PRDM11: variants seen among roughly 807,000 people sequenced by gnomAD.
PRDM11 encodes PR/SET domain 11.
Under a neutral mutation model 97.8 loss-of-function variants are expected in PRDM11, and 20 were observed. That is an observed-to-expected ratio of 0.20 (90% CI 0.14 to 0.30). The LOEUF (loss-of-function observed/expected upper bound fraction) is 0.30. Ranked by LOEUF, PRDM11 falls within the 10% of genes least tolerant of loss-of-function variation. The probability of loss-of-function intolerance (pLI) is 1.00; values close to 1 mark genes in which losing one functional copy is unlikely to be tolerated. For missense variants in PRDM11, 1,139 were observed against 1,555.2 expected (o/e 0.73, Z 4.50); for synonymous variants, 599 against 637.7 (o/e 0.94, Z 0.91).
chr11:45,139,253 A>G (rs1180892622), intron 1 of PRDM11, among the ~76,000 whole-genome samples: 2 of 152,194 alleles, frequency 1.3e-5, no homozygotes, highest in Non-Finnish European at 2.9e-5. Context: ...TTGCAGGACA[A>G]CTGGGCAAAA....
At chr11:45,138,793 T>A (rs1429550076) in intron 1 of PRDM11, among the ~76,000 whole-genome samples, 1 of 151,990 alleles carries the variant, frequency 6.6e-6, no homozygotes, top group African/African-American at 2.4e-5. Flanking sequence ...TTTTACAATA[T>A]ACTGAAGAAG....
chr11:45,212,790 TG>T (rs1303926485), intron 5 of PRDM11: 1 of 456,180 alleles, frequency 2.2e-6, no homozygotes, highest in Non-Finnish European at 4.4e-6. Flanking sequence ...CACCGGGACA[TG>T]GCCAACAGCA....
chr11:45,190,719 A>G (rs1036662520), intron 4 of PRDM11, among the ~76,000 whole-genome samples: 5 of 152,222 alleles, frequency 3.3e-5, no homozygotes, highest in Non-Finnish European at 7.3e-5. Flanking sequence ...CTATGTTTCA[A>G]TAAAACTTTA....
intron 1 of PRDM11, among the ~76,000 whole-genome samples, chr11:45,123,287 G>A (rs1311298676): frequency 1.3e-5 from 2 of 152,158 alleles, no homozygotes; most frequent in Non-Finnish European, 2.9e-5. Context: ...CTCCCATTTT[G>A]TAGGTTGCCT....
chr11:45,227,917 G>C lies in PRDM11; in HGVS notation c.3292G>C (p.Val1098Leu). ...GAAAGGCCGCAATGCCCTCCAGCGA[G>C]TTCGCAAAAACCACCGCTCCCGCCT... ...CEKGRNALQR[V>L]RKNHRSRLTL... The change falls in exon 8 of 8, where the codon GTT becomes CTT. Residue 1098 changes from valine to leucine, a missense_variant. Coordinates refer to ENST00000683152, the MANE Select transcript of PRDM11 (RefSeq NM_001384648.1). This position sits in a 1 kb window ranked among gnomAD's most constrained non-coding sequence, Gnocchi z 8.0. 6.5e-7 allele frequency: 1 copy of C among 1,533,926 alleles called. No homozygotes were observed. Among genetic ancestry groups the C allele is most frequent in the Non-Finnish European group, 8.7e-7 (1 of 1,146,736 alleles).
rs750322891 is a variant in PRDM11 at position 45,224,183 on chromosome 11, C to T, written c.743-34C>T. The T allele has an allele frequency of 2.0e-6, 3 of 1,530,766 alleles. No individual in the cohort carries two copies. The South Asian group carries it at 4.0e-5, about 20-fold the overall frequency. 94.8% of individuals were successfully genotyped at this position (1,530,766 alleles called of 1,614,324 possible). On this transcript the variant is annotated intron_variant, in intron 6 of 7. Transcript: ENST00000683152. ...TTGGTTTCTCCAATTTGGGGGTTTT[C>T]CCCATTTCCTTACACCCTGGTTTTC... is the stretch of plus-strand genomic sequence containing the variant.
At chr11:45,138,287 C>T (rs995696094) in intron 1 of PRDM11, among the ~76,000 whole-genome samples, 3 of 152,148 alleles carry the variant, frequency 2.0e-5, no homozygotes, top group Admixed American at 1.3e-4. Flanking sequence ...TGGAAGGAGG[C>T]TGGGTGTGGT....
At chr11:45,180,377 C>T (rs1291761334) in intron 1 of PRDM11, among the ~76,000 whole-genome samples, 1 of 152,150 alleles carries the variant, frequency 6.6e-6, no homozygotes, top group East Asian at 1.9e-4. Flanking sequence ...GCCCTGTCGT[C>T]GCCGCCACAC....
chr11:45,131,992 G>A (rs772241845), intron 1 of PRDM11, among the ~76,000 whole-genome samples: 35 of 152,136 alleles, frequency 2.3e-4, no homozygotes, highest in Non-Finnish European at 4.9e-4. Context: ...ACCTTATAGA[G>A]CCAAGCTGAG....
At chr11:45,144,424 T>C (rs1179178415), upstream of PRDM11, among the ~76,000 whole-genome samples, 2 of 152,194 alleles carry the variant, frequency 1.3e-5, no homozygotes, top group Admixed American at 1.3e-4. Context: ...GCTGAGGACC[T>C]ACGGCTTCCT....
chr11:45,188,985 T>G lies in PRDM11; in HGVS notation c.486+5862T>G, dbSNP rs1852811463. Among the ~76,000 whole-genome samples, 4 of 152,250 alleles carry G rather than the reference T, an allele frequency of 2.6e-5. No individual in the cohort carries two copies. The South Asian group carries it at 8.3e-4, about 32-fold the overall frequency. On this transcript the variant is annotated intron_variant, in intron 4 of 7. Coordinates refer to ENST00000683152, the MANE Select transcript of PRDM11 (RefSeq NM_001384648.1). The stretch of plus-strand genomic sequence containing the variant: ...GGTACGATCTCAGCTCACCGCAACC[T>G]CTGCCTCCTGGGTTCAAGCAATTCT...
At chr11:45,100,662 A>G (rs1851957428) in intron 1 of PRDM11, among the ~76,000 whole-genome samples, 1 of 152,240 alleles carries the variant, frequency 6.6e-6, no homozygotes, top group South Asian at 2.1e-4. Flanking sequence ...CATACCCATC[A>G]GCCAGTCAAC....
intron 5 of PRDM11, among the ~76,000 whole-genome samples, chr11:45,218,872 T>C (rs1854031665): frequency 1.3e-5 from 2 of 152,228 alleles, no homozygotes; most frequent in African/African-American, 4.8e-5. Flanking sequence ...GAAACGTGCA[T>C]AGGACTCAAA....
intron 5 of PRDM11, among the ~76,000 whole-genome samples, chr11:45,211,318 T>C (rs1853725093): frequency 6.6e-6 from 1 of 152,102 alleles, no homozygotes; most frequent in African/African-American, 2.4e-5. Flanking sequence ...AACCTGTCTG[T>C]CCTCCCCATC....
rs1285889705 is a variant in PRDM11, at chr11:45,226,627, G to A, written c.2002G>A (p.Asp668Asn). 1.7e-5 allele frequency: 26 copies of A among 1,533,852 alleles called. No homozygotes were observed. The highest frequency in any genetic ancestry group is 1.7e-4 in the South Asian group (14 of 83,970). Residue 668 changes from aspartate (D) to asparagine (N), a missense_variant, in exon 8 of 8, where the codon GAC becomes AAC. By Grantham distance (23) the Asp-to-Asn change is conservative. This residue lies in a region of PRDM11 where 710 missense variants were observed against 1,044.9 expected (regional missense o/e 0.68). Transcript: ENST00000683152. ...LSVILDGQSDDLLADTVAVYV... is the reference protein window; with the variant it reads ...LSVILDGQSDNLLADTVAVYV... The stretch of plus-strand genomic sequence containing the variant: ...CGTCATCCTGGATGGGCAGAGCGAC[G>A]ACCTGCTGGCCGACACGGTGGCTGT...
chr11:45,223,844 C>T (rs1854187105), intron 6 of PRDM11, among the ~76,000 whole-genome samples: 1 of 152,126 alleles, frequency 6.6e-6, no homozygotes, highest in South Asian at 2.1e-4. Context: ...GGAGTTGATA[C>T]TCACTTGGCT....
intron 1 of PRDM11, among the ~76,000 whole-genome samples, chr11:45,104,587 C>A: frequency 6.6e-6 from 1 of 152,144 alleles, no homozygotes; most frequent in Non-Finnish European, 1.5e-5. Flanking sequence ...AGACCCCACC[C>A]AGCTATGACC....
intron 1 of PRDM11, among the ~76,000 whole-genome samples, chr11:45,180,061 C>G (rs926145619): frequency 6.6e-6 from 1 of 152,258 alleles, no homozygotes; most frequent in African/African-American, 2.4e-5. Flanking sequence ...GAGGATACTG[C>G]ATGGTGAAGC....
At chr11:45,192,119 T>C (rs1455951471) in intron 4 of PRDM11, among the ~76,000 whole-genome samples, 2 of 152,058 alleles carry the variant, frequency 1.3e-5, no homozygotes, top group East Asian at 3.9e-4. Flanking sequence ...TGTCCTACCA[T>C]GTCAGAAACT....
Sources: allele counts gnomAD v4.1 joint callset (sites outside exome capture counted in the v4.1 genomes callset), GRCh38; gene constraint gnomAD v4.1.1; regional missense constraint gnomAD v4.1.1; non-coding constraint Gnocchi (gnomAD v3.1); transcripts MANE v1.5; gene names NCBI Gene and HGNC (gene_info 2026-07-23, HGNC 2026-07-21).